NISCH: variants seen among roughly 807,000 people sequenced by gnomAD.
NISCH encodes the protein nischarin.
In NISCH, 55 loss-of-function variants were observed where a neutral mutation model predicts 138.4. The observed-to-expected ratio is 0.40, with a 90% CI of 0.32 to 0.50. NISCH has a LOEUF of 0.50. NISCH is among the 20% of genes least tolerant of loss of function. The pLI is 0.71. For synonymous variants in NISCH, 860 were observed against 861.5 expected, an observed-to-expected ratio of 1.00 and a Z score of 0.03; for missense variants, 1,643 against 2,005.5, an observed-to-expected ratio of 0.82 and a Z score of 3.45.
chr3:52,488,373 C>T lies in NISCH; in HGVS notation c.2881C>T (p.Gln961Ter). 3 of 1,613,816 alleles carry T rather than the reference C, an allele frequency of 1.9e-6. No individual in the cohort carries two copies. The highest frequency in any genetic ancestry group is 2.5e-6 in the Non-Finnish European group (3 of 1,180,012). ...GCTGGACCCCACACGCAGCTGTACC[C>T]AGCCTCGGGGCGCCTTTGCTGATGG... Reference protein sequence around the residue: ...VLLDPTRSCTQPRGAFADGHV... With the variant: ...VLLDPTRSCT The change falls in exon 16 of 21, where the codon CAG becomes TAG. Residue 961 changes from glutamine (Q) to a stop codon, truncating the protein, a stop_gained. Coordinates refer to ENST00000345716, the MANE Select transcript of NISCH (RefSeq NM_007184.4). LOFTEE classifies it high-confidence loss of function.
intron 3 of NISCH, among the ~76,000 whole-genome samples, chr3:52,466,924 A>G (rs1247695041): frequency 6.6e-6 from 1 of 151,524 alleles, no homozygotes; most frequent in Non-Finnish European, 1.5e-5. Flanking sequence ...GGTGCGGCTG[A>G]TCTCTTGGTC....
intron 16 of NISCH, 77 bp downstream of exon 16, chr3:52,488,682 T>C (rs1454601563): frequency 1.6e-6 from 2 of 1,287,918 alleles, no homozygotes; most frequent in Non-Finnish European, 2.1e-6. Context: ...CTGCGGCTAG[T>C]GTGGGCTGGG....
Position 52,487,085 on chromosome 3 carries a change from C to A in NISCH, c.1704-111C>A. On this transcript the variant is annotated intron_variant, in intron 15 of 20. Coordinates refer to ENST00000345716, the MANE Select transcript of NISCH (RefSeq NM_007184.4). The surrounding 1 kb of genome is among the most constrained non-coding windows in gnomAD (Gnocchi z 9.1). Reference sequence around the variant, plus strand: ...GGCCATGTGGGAGGCTTGGGAGACCCATGGGTTGGTTTCTCAGGGTCAGGG... The same window carrying A: ...GGCCATGTGGGAGGCTTGGGAGACCAATGGGTTGGTTTCTCAGGGTCAGGG... 1 of 1,257,016 alleles carries A rather than the reference C, an allele frequency of 8.0e-7. No individual in the cohort carries two copies. Among genetic ancestry groups the A allele is most frequent in the Non-Finnish European group, 1.1e-6 (1 of 909,370 alleles). The allele number at this position is 1,257,016 out of a possible 1,614,324, so 77.9% of individuals were successfully genotyped here. A position where few individuals can be genotyped will look rare whatever the true frequency, so the allele number is the denominator to read the frequency against.
chr3:52,492,671 C>T lies in NISCH; in HGVS notation c.*189C>T. The T allele has an allele frequency of 1.2e-6, 1 of 814,908 alleles. No individual in the cohort carries two copies. The highest frequency in any genetic ancestry group is 1.9e-6 in the Non-Finnish European group (1 of 538,210). The allele number at this position is 814,908 out of a possible 1,614,324, so 50.5% of individuals were successfully genotyped here. A position where few individuals can be genotyped will look rare whatever the true frequency, so the allele number is the denominator to read the frequency against. ...TGTTGGGAGTGAGAATGCCGGGCCC[C>T]TCAGGGCTGTCGGTGTGCTGTCAGC... On this transcript the variant is annotated 3_prime_UTR_variant, in exon 21 of 21. Transcript: ENST00000345716.
In NISCH at chr3:52,473,729, TC is replaced by T. The variant is rs1707013555; in HGVS notation, c.670-3del. On this transcript the variant is annotated splice_polypyrimidine_tract_variant and splice_region_variant and intron_variant, in intron 6 of 20. Transcript: ENST00000345716. ...TTTCTGAGATGCAGCTGTTCTTTGTTCCAGATAAGTCACTGTGATGCTAAGC... is the reference window on the plus strand; with the variant it reads ...TTTCTGAGATGCAGCTGTTCTTTGTTCAGATAAGTCACTGTGATGCTAAGC... 1.3e-6 allele frequency: 2 copies of T among 1,579,834 alleles called. No homozygotes were observed. Among genetic ancestry groups the T allele is most frequent in the African/African-American group, 2.7e-5 (2 of 74,552 alleles).
intron 6 of NISCH, among the ~76,000 whole-genome samples, chr3:52,473,035 G>A (rs1032879365): frequency 3.9e-5 from 6 of 152,204 alleles, no homozygotes; most frequent in Admixed American, 1.3e-4. Context: ...TACAGTTGGG[G>A]AAACTGAGGC....
In NISCH at chr3:52,492,086, C is replaced by A. The variant is rs1317781213; in HGVS notation, c.4119C>A (p.Leu1373=). ...GGGGCCCCCTGCGCCCCAAGACACT[C>A]CTGCTCACCAGCTCCGAGATCTTCC... ...CCRGPLRPKT[L]LLTSSEIFLL... is the part of the protein sequence containing the mutation. Residue 1373 remains leucine (L), a synonymous_variant, in exon 21 of 21, where the codon CTC becomes CTA. Coordinates refer to ENST00000345716, the MANE Select transcript of NISCH (RefSeq NM_007184.4). The A allele has an allele frequency of 6.2e-7, 1 of 1,613,154 alleles. No homozygotes were observed. Among genetic ancestry groups the A allele is most frequent in the Non-Finnish European group, 8.5e-7 (1 of 1,180,036 alleles).
At chr3:52,456,141 G>A (rs1706461547) in intron 1 of NISCH, among the ~76,000 whole-genome samples, 1 of 152,108 alleles carries the variant, frequency 6.6e-6, no homozygotes, top group Non-Finnish European at 1.5e-5. Context: ...CTGATGGATG[G>A]AATCAGGGAA....
rs1707521619 is a variant in NISCH, at chr3:52,490,110, C to T, written c.3492C>T (p.Ser1164=). Residue 1164 remains serine, a synonymous_variant, in exon 18 of 21, where the codon TCC becomes TCT. Coordinates refer to ENST00000345716, the MANE Select transcript of NISCH (RefSeq NM_007184.4). ...AGGAGCTGAGGCACCTCATGTGGTC[C>T]TCGGTGGTGTTCTACCAGACCCCAG... The part of the protein sequence containing the change: ...ENEELRHLMW[S]SVVFYQTPGL... 6.2e-7 allele frequency: 1 copy of T among 1,613,648 alleles called. No individual in the cohort carries two copies. Among genetic ancestry groups the T allele is most frequent in the Non-Finnish European group, 8.5e-7 (1 of 1,180,026 alleles).
chr3:52,480,104 G>A (rs1027823823), intron 12 of NISCH, 80 bp from the exon 13 acceptor site: 17 of 1,515,280 alleles, frequency 1.1e-5, no homozygotes, highest in Admixed American at 5.2e-5. Flanking sequence ...GAACCGTTGC[G>A]CTCCCTCCTC....
In NISCH at chr3:52,477,592, G is replaced by C. The variant is rs748182736; in HGVS notation, c.937G>C (p.Glu313Gln). ...TCACAAGAAACTGATCCCAAAGATT[G>C]AGTTCCTGGACCTGAGTCACAATGG... ...DESVKLIPKI[E>Q]FLDLSHNGLL... Residue 313 changes from glutamate to glutamine, a missense_variant, in exon 9 of 21, where the codon GAG becomes CAG. Coordinates refer to ENST00000345716, the MANE Select transcript of NISCH (RefSeq NM_007184.4). The C allele has an allele frequency of 9.9e-6, 16 of 1,614,134 alleles. No homozygotes were observed. The highest frequency in any genetic ancestry group is 1.4e-5 in the Non-Finnish European group (16 of 1,179,968).
intron 3 of NISCH, among the ~76,000 whole-genome samples, chr3:52,464,480 G>GA (rs960611356): frequency 7.1e-6 from 1 of 140,148 alleles, no homozygotes; most frequent in African/African-American, 2.6e-5. Context: ...TAGACTTTTA[G>GA]AAACATGCAA....
chr3:52,476,501 A>G lies in NISCH; in HGVS notation c.820A>G (p.Thr274Ala), dbSNP rs1457733158. 4 of 1,613,726 alleles carry G rather than the reference A, an allele frequency of 2.5e-6. No homozygotes were observed. Among genetic ancestry groups the G allele is most frequent in the South Asian group, 2.2e-5 (2 of 91,046 alleles). ...TGATGAGTGGGAGCCTGAAGGCACAACCCTAGAAGGCCCTGTGACTGCCGT... is the reference window on the plus strand; with the variant it reads ...TGATGAGTGGGAGCCTGAAGGCACAGCCCTAGAAGGCCCTGTGACTGCCGT... ...EFDEWEPEGTTLEGPVTAVIP... is the reference protein window; with the variant it reads ...EFDEWEPEGTALEGPVTAVIP... The change falls in exon 8 of 21, where the codon ACC becomes GCC. Residue 274 changes from threonine to alanine, a missense_variant. Transcript: ENST00000345716.
chr3:52,477,828 G>A (rs1406977070), intron 9 of NISCH, 186 bp downstream of exon 9: 5 of 633,834 alleles, frequency 7.9e-6, no homozygotes, highest in Non-Finnish European at 8.3e-6. Flanking sequence ...TAGGAAGCAT[G>A]AGTAAATACA....
chr3:52,463,849 G>A (rs554393322), intron 3 of NISCH, among the ~76,000 whole-genome samples: 52 of 147,904 alleles, frequency 3.5e-4, no homozygotes, highest in African/African-American at 1.1e-3. Context: ...TCAGCCTCCC[G>A]AGTAGCTGGG....
In NISCH at chr3:52,481,352, C is replaced by T. The variant is rs1404455324; in HGVS notation, c.1528+1057C>T. The stretch of plus-strand genomic sequence containing the variant: ...CGCAGAGCAGCACACTGAGGTCACA[C>T]CTGTGAGATGTGGAAGAGAATTCCT... On this transcript the variant is annotated intron_variant, in intron 13 of 20. Transcript: ENST00000345716. The T allele has an allele frequency of 4.5e-5, 45 of 991,960 alleles. 1 individual carries two copies. Among genetic ancestry groups the T allele is most frequent in the Non-Finnish European group, 2.4e-6 (2 of 834,722 alleles). The allele number at this position is 991,960 out of a possible 1,614,324, so 61.4% of individuals were successfully genotyped here. A position where few individuals can be genotyped will look rare whatever the true frequency, so the allele number is the denominator to read the frequency against.
At chr3:52,490,016 T>TC (rs36093401) in intron 17 of NISCH, 59 bp from the exon 18 acceptor site, 1 of 1,601,342 alleles carries the variant, frequency 6.2e-7, no homozygotes, top group Non-Finnish European at 8.5e-7. Flanking sequence ...TGTGGGCATG[T>TC]CCCTGGTATG....
chr3:52,474,295 T>C (rs1397011652), intron 7 of NISCH, among the ~76,000 whole-genome samples: 1 of 150,342 alleles, frequency 6.7e-6, no homozygotes, highest in African/African-American at 2.5e-5. Flanking sequence ...TGTTTTTTGT[T>C]GTTGTTGTTG....
intron 13 of NISCH, chr3:52,481,565 G>A (rs750315129): frequency 3.2e-5 from 32 of 985,422 alleles, no homozygotes; most frequent in Non-Finnish European, 3.7e-5. Context: ...CCATATGACT[G>A]TAGGCCTCTG....
Sources: allele counts gnomAD v4.1 joint callset (sites outside exome capture counted in the v4.1 genomes callset), GRCh38; gene constraint gnomAD v4.1.1; non-coding constraint Gnocchi (gnomAD v3.1); transcripts MANE v1.5; gene names NCBI Gene and HGNC (gene_info 2026-07-23, HGNC 2026-07-21).